ELAPOR2: variants seen among roughly 807,000 people sequenced by gnomAD.
ELAPOR2 encodes the protein endosome/lysosome-associated apoptosis and autophagy regulator family member 2.
A neutral mutation model predicts 120.7 loss-of-function variants in ELAPOR2; 89 were observed. That is an observed-to-expected ratio of 0.74 (90% CI 0.62 to 0.88). The LOEUF is 0.88. Ranked by LOEUF, ELAPOR2 falls within the 40% of genes least tolerant of loss-of-function variation. ELAPOR2 has a pLI of 0.00. For synonymous variants in ELAPOR2, 444 were observed against 444.9 expected (o/e 1.00, Z 0.03); for missense variants, 1,134 against 1,251.6 (o/e 0.91, Z 1.42).
intron 1 of ELAPOR2, among the ~76,000 whole-genome samples, chr7:87,051,763 T>C (rs1282698031): frequency 6.6e-6 from 1 of 152,208 alleles, no homozygotes. Context: ...GTAGCAAACA[T>C]TGGAAAACAT....
intron 1 of ELAPOR2, among the ~76,000 whole-genome samples, chr7:86,967,828 T>A (rs115816211): frequency 6.6e-6 from 1 of 152,220 alleles, no homozygotes; most frequent in Non-Finnish European, 1.5e-5. Context: ...CTACAGCTAC[T>A]ATTGTTACCA....
intron 1 of ELAPOR2, among the ~76,000 whole-genome samples, chr7:87,056,451 G>A (rs1795265431): frequency 6.6e-6 from 1 of 152,126 alleles, no homozygotes; most frequent in Non-Finnish European, 1.5e-5. Flanking sequence ...ATTTTCCAAA[G>A]TCACATCCTA....
At chr7:86,909,589 G>A (rs992860366) in intron 16 of ELAPOR2, among the ~76,000 whole-genome samples, 4 of 152,056 alleles carry the variant, frequency 2.6e-5, no homozygotes, top group Non-Finnish European at 2.9e-5. Context: ...CTCAGAAAAT[G>A]TCATACTTAT....
chr7:86,922,725 C>T (rs554264962), intron 10 of ELAPOR2, among the ~76,000 whole-genome samples: 225 of 151,958 alleles, frequency 1.5e-3, no homozygotes, highest in African/African-American at 5.0e-3. Context: ...CTGTTGATTA[C>T]ACATCCATTT....
chr7:86,893,622 C>G (rs951243206), intron 19 of ELAPOR2, among the ~76,000 whole-genome samples: 1 of 151,984 alleles, frequency 6.6e-6, no homozygotes, highest in Non-Finnish European at 1.5e-5. Context: ...AGGTGCACCA[C>G]GGCTGGGTAA....
At chr7:86,918,303 G>A in intron 12 of ELAPOR2, 139 bp downstream of exon 12, 1 of 518,456 alleles carries the variant, frequency 1.9e-6, no homozygotes. Context: ...GTTAATGTTT[G>A]TGAAAGGTGC....
intron 2 of ELAPOR2, among the ~76,000 whole-genome samples, chr7:86,964,343 T>C (rs1471819631): frequency 2.6e-5 from 4 of 152,220 alleles, no homozygotes; most frequent in Non-Finnish European, 5.9e-5. Flanking sequence ...TATAATGTTG[T>C]ACTTCAAACC....
At chr7:87,009,681 T>C (rs969353974) in intron 1 of ELAPOR2, among the ~76,000 whole-genome samples, 2 of 152,164 alleles carry the variant, frequency 1.3e-5, no homozygotes, top group Non-Finnish European at 2.9e-5. Context: ...AGAAGAAGAC[T>C]GGTGTTTCCA....
At chr7:86,919,527 T>C (rs538706453) in intron 10 of ELAPOR2, among the ~76,000 whole-genome samples, 20 of 152,314 alleles carry the variant, frequency 1.3e-4, no homozygotes, top group African/African-American at 4.3e-4. Flanking sequence ...GAATAAAAGA[T>C]ACTTAATGGG....
intron 1 of ELAPOR2, among the ~76,000 whole-genome samples, chr7:87,036,309 A>G (rs1341554332): frequency 1.3e-5 from 2 of 151,908 alleles, no homozygotes; most frequent in African/African-American, 4.8e-5. Flanking sequence ...CCCTGTCTAT[A>G]CAAAATAATA....
intron 1 of ELAPOR2, among the ~76,000 whole-genome samples, chr7:87,042,369 C>A (rs1263796456): frequency 6.6e-6 from 1 of 150,634 alleles, no homozygotes; most frequent in Non-Finnish European, 1.5e-5. Context: ...AAGTAAAGCT[C>A]TCCTCAGCAA....
chr7:86,938,579 A>C (rs1198002404), intron 7 of ELAPOR2, among the ~76,000 whole-genome samples: 2 of 152,078 alleles, frequency 1.3e-5, no homozygotes, highest in Non-Finnish European at 2.9e-5. Flanking sequence ...TATCCATAGC[A>C]GCTACCTGTG....
chr7:87,021,612 G>A (rs911022113), intron 1 of ELAPOR2, among the ~76,000 whole-genome samples: 1 of 152,104 alleles, frequency 6.6e-6, no homozygotes, highest in African/African-American at 2.4e-5. Flanking sequence ...AATAGATACA[G>A]AATACCTGGT....
intron 1 of ELAPOR2, among the ~76,000 whole-genome samples, chr7:87,005,309 C>T (rs942945015): frequency 6.0e-5 from 9 of 151,032 alleles, no homozygotes; most frequent in African/African-American, 2.2e-4. Context: ...TATTTTATGA[C>T]ATTAAAGTCT....
At chr7:86,899,348 A>T (rs906607733) in intron 18 of ELAPOR2, among the ~76,000 whole-genome samples, 3 of 152,154 alleles carry the variant, frequency 2.0e-5, no homozygotes, top group African/African-American at 4.8e-5. Flanking sequence ...AAATTTGTCT[A>T]CCACTTTCGG....
intron 1 of ELAPOR2, among the ~76,000 whole-genome samples, chr7:86,999,802 A>G (rs1160863574): frequency 6.6e-6 from 1 of 152,144 alleles, no homozygotes. Flanking sequence ...CTGTGGCTTG[A>G]AATCATTTGA....
intron 8 of ELAPOR2, among the ~76,000 whole-genome samples, chr7:86,932,385 C>A (rs1790365847): frequency 6.6e-6 from 1 of 151,818 alleles, no homozygotes; most frequent in South Asian, 2.1e-4. Flanking sequence ...GGCTCCCATC[C>A]AATTTCTGAA....
intron 1 of ELAPOR2, among the ~76,000 whole-genome samples, chr7:87,001,663 C>A (rs1243520183): frequency 2.0e-5 from 3 of 152,102 alleles, no homozygotes; most frequent in African/African-American, 7.2e-5. Context: ...CCACAGAATA[C>A]AAGGGCTGTT....
chr7:87,048,737 A>G (rs1002444331), intron 1 of ELAPOR2, among the ~76,000 whole-genome samples: 2 of 152,214 alleles, frequency 1.3e-5, no homozygotes, highest in Non-Finnish European at 2.9e-5. Flanking sequence ...AATCTCGTGT[A>G]CCACATATAT....
Sources: allele counts gnomAD v4.1 joint callset (sites outside exome capture counted in the v4.1 genomes callset), GRCh38; gene constraint gnomAD v4.1.1; transcripts MANE v1.5; gene names NCBI Gene and HGNC (gene_info 2026-07-23, HGNC 2026-07-21).